Variants in TYW3 observed in about 807,000 individuals in gnomAD.
TYW3 encodes the protein tRNA wybutosine-synthesizing protein 3 homolog.
A neutral mutation model predicts 23.1 loss-of-function variants in TYW3; 26 were observed. That is an observed-to-expected ratio of 1.13 (90% confidence interval 0.83 to 1.56). The LOEUF (loss-of-function observed/expected upper bound fraction) is 1.56. Ranked by LOEUF, TYW3 falls within the 40% of genes most tolerant of loss-of-function variation. TYW3 has a pLI of 0.00. For synonymous variants in TYW3, 102 were observed against 105.7 expected (o/e 0.97, Z 0.21); for missense variants, 316 against 311.9 (o/e 1.01, Z -0.10).
intron 5 of TYW3, among the ~76,000 whole-genome samples, chr1:74,761,136 A>G (rs75542453): frequency 0.015 from 2,343 of 152,252 alleles, 30 homozygotes; most frequent in East Asian, 0.05. Flanking sequence ...GCACTTTTGA[A>G]AATCAGGCTT....
At chr1:74,738,847 A>C in intron 3 of TYW3, 59 bp downstream of exon 3, 2 of 1,337,510 alleles carry the variant, frequency 1.5e-6, no homozygotes, top group Non-Finnish European at 2.1e-6. Flanking sequence ...TGTAATTTTA[A>C]GCTTTTAACC....
At chr1:74,736,230 A>G (rs1648149252) in intron 1 of TYW3, 1 of 185,650 alleles carries the variant, frequency 5.4e-6, no homozygotes, top group East Asian at 1.3e-4. Flanking sequence ...CCAAATAGCT[A>G]GAGTACAACT....
Position 74,733,330 on chromosome 1 carries a change from A to C in TYW3, c.86A>C (p.Asp29Ala), listed in dbSNP as rs201218832. 78 of 1,614,094 alleles carry C rather than the reference A, an allele frequency of 4.8e-5. No individual in the cohort carries two copies. The highest frequency in any genetic ancestry group is 6.1e-5 in the Non-Finnish European group (72 of 1,180,004). The change falls in exon 1 of 6, where the codon GAT becomes GCT. Residue 29 changes from aspartate (D) to alanine (A), a missense_variant. Transcript: ENST00000370867. ...DLSRKGSVDE[D>A]VVELVQFLNM... ...AGCCGGAAGGGCAGTGTTGACGAGG[A>C]TGTGGTAGAGCTTGTGCAGTTTCTG...
At chr1:74,760,027 T>C (rs1416206335) in intron 5 of TYW3, among the ~76,000 whole-genome samples, 1 of 152,236 alleles carries the variant, frequency 6.6e-6, no homozygotes, top group African/African-American at 2.4e-5. Context: ...AAGCAGTTGA[T>C]TAGCACATGT....
chr1:74,755,074 C>T (rs928843815), intron 5 of TYW3, among the ~76,000 whole-genome samples: 2 of 152,040 alleles, frequency 1.3e-5, no homozygotes, highest in African/African-American at 4.8e-5. Flanking sequence ...GAAAATATTA[C>T]ATAAAATGTA....
At chr1:74,759,023 C>G (rs1649045552) in intron 5 of TYW3, among the ~76,000 whole-genome samples, 1 of 152,212 alleles carries the variant, frequency 6.6e-6, no homozygotes, top group Non-Finnish European at 1.5e-5. Flanking sequence ...TTCTGAGTGT[C>G]TGGAATGAGA....
At position 74,764,602 on chromosome 1, in the gene TYW3, A is replaced by G. The variant is rs1224936455; in HGVS notation, c.*489A>G. 2 of 152,554 alleles carry G rather than the reference A, an allele frequency of 1.3e-5. No individual in the cohort carries two copies. The highest frequency in any genetic ancestry group is 2.9e-5 in the Non-Finnish European group (2 of 68,330). The allele number at this position is 152,554 out of a possible 1,614,324, so 9.5% of individuals were successfully genotyped here. A position where few individuals can be genotyped will look rare whatever the true frequency, so the allele number is the denominator to read the frequency against. Reference sequence around the variant, plus strand: ...GTTGTGATTTAAACTTATGCTATAAACTAAATTAATGATGTAAATACATAG... The same window carrying G: ...GTTGTGATTTAAACTTATGCTATAAGCTAAATTAATGATGTAAATACATAG... On this transcript the variant is annotated 3_prime_UTR_variant, in exon 6 of 6. Transcript: ENST00000370867.
intron 4 of TYW3, among the ~76,000 whole-genome samples, chr1:74,750,557 C>G (rs1467367768): frequency 6.6e-6 from 1 of 151,918 alleles, no homozygotes; most frequent in African/African-American, 2.4e-5. Context: ...GAGCAAGACT[C>G]TGTCTCAAAA....
At chr1:74,763,693 A>AT in intron 5 of TYW3, among the ~76,000 whole-genome samples, 1 of 152,218 alleles carries the variant, frequency 6.6e-6, no homozygotes, top group East Asian at 1.9e-4. Context: ...TCAAGAGGTG[A>AT]TTCCAATCCA....
At chr1:74,745,096 T>C (rs778382977) in intron 3 of TYW3, among the ~76,000 whole-genome samples, 1 of 152,066 alleles carries the variant, frequency 6.6e-6, no homozygotes, top group Non-Finnish European at 1.5e-5. Flanking sequence ...CTCTTAAAGG[T>C]GGCCCATCTG....
At chr1:74,749,205 G>C (rs568610217) in intron 4 of TYW3, among the ~76,000 whole-genome samples, 27 of 152,156 alleles carry the variant, frequency 1.8e-4, no homozygotes, top group Non-Finnish European at 3.8e-4. Flanking sequence ...CTCAGGGTTT[G>C]AATTTTCTCA....
In TYW3 at chr1:74,733,239, T is replaced by A; in HGVS notation, c.-6T>A. On this transcript the variant is annotated 5_prime_UTR_variant, in exon 1 of 6. Transcript: ENST00000370867. ...GAGCCGAGCGCAGACCCTGAGTCCG[T>A]CACCCATGGATCGCAGCGCGGAGTT... The A allele has an allele frequency of 6.2e-7, 1 of 1,613,734 alleles. No homozygotes were observed. Among genetic ancestry groups the A allele is most frequent in the Non-Finnish European group, 8.5e-7 (1 of 1,179,810 alleles).
At chr1:74,743,659 A>G (rs916212178) in intron 3 of TYW3, among the ~76,000 whole-genome samples, 1 of 152,164 alleles carries the variant, frequency 6.6e-6, no homozygotes, top group South Asian at 2.1e-4. Context: ...TTATGACTCC[A>G]GTCCCCATGA....
In TYW3 at chr1:74,766,079, T is replaced by G. The variant is rs1304113252; in HGVS notation, c.*1966T>G. On this transcript the variant is annotated 3_prime_UTR_variant, in exon 6 of 6. Transcript: ENST00000370867. ...ATAAGATTATAATGGACCTGAAAAA[T>G]TCCTATTGCTAGTGATGTGGTCATT... 1 of 152,050 alleles carries G rather than the reference T, an allele frequency of 6.6e-6. No individual in the cohort carries two copies. The highest frequency in any genetic ancestry group is 1.5e-5 in the Non-Finnish European group (1 of 68,018). 9.4% of individuals were successfully genotyped at this position (152,050 alleles called of 1,614,324 possible).
At chr1:74,748,309 C>G (rs1350594745) in intron 3 of TYW3, among the ~76,000 whole-genome samples, 1 of 152,222 alleles carries the variant, frequency 6.6e-6, no homozygotes, top group East Asian at 1.9e-4. Context: ...TCAGTCAGAT[C>G]AGAATTTGTG....
intron 5 of TYW3, among the ~76,000 whole-genome samples, chr1:74,758,769 G>A (rs1649035460): frequency 1.3e-5 from 2 of 152,118 alleles, no homozygotes; most frequent in Admixed American, 1.3e-4. Flanking sequence ...TTACTTAATT[G>A]CACATCTTTT....
At chr1:74,758,361 A>C (rs546487979) in intron 5 of TYW3, among the ~76,000 whole-genome samples, 1 of 152,272 alleles carries the variant, frequency 6.6e-6, no homozygotes, top group South Asian at 2.1e-4. Context: ...TATGTTTCTT[A>C]CCTTATTCTA....
intron 5 of TYW3, among the ~76,000 whole-genome samples, chr1:74,756,017 A>G (rs114469991): frequency 0.014 from 2,120 of 152,230 alleles, 24 homozygotes; most frequent in East Asian, 0.05. Context: ...GCCCTGCACA[A>G]GTTCTCTTCA....
chr1:74,745,474 C>T (rs552739464), intron 3 of TYW3, among the ~76,000 whole-genome samples: 7 of 152,048 alleles, frequency 4.6e-5, no homozygotes, highest in African/African-American at 1.2e-4. Flanking sequence ...CTGATTGGTG[C>T]GTTTTTACAG....
Sources: gnomAD v4.1 joint callset for allele counts (sites outside exome capture counted in the v4.1 genomes callset) on GRCh38, gnomAD v4.1.1 for gene constraint, MANE v1.5 for transcripts, NCBI Gene and HGNC (gene_info 2026-07-23, HGNC 2026-07-21) for gene names.